SLC31A2: variants seen among roughly 807,000 people sequenced by gnomAD.
The protein encoded by SLC31A2 is protein SLC31A2.
A neutral mutation model predicts 14.4 loss-of-function variants in SLC31A2; 16 were observed. The observed-to-expected ratio is 1.11, with a 90% CI of 0.75 to 1.69. The LOEUF (loss-of-function observed/expected upper bound fraction) is 1.69. Ranked by LOEUF, SLC31A2 falls within the 40% of genes most tolerant of loss-of-function variation. The pLI is 0.00. For missense variants in SLC31A2, 140 were observed against 173.9 expected (o/e 0.81, Z 1.10); for synonymous variants, 56 against 68.7 (o/e 0.82, Z 0.91).
intron 1 of SLC31A2, among the ~76,000 whole-genome samples, chr9:113,152,656 A>T (rs1348530413): frequency 6.6e-6 from 1 of 152,040 alleles, no homozygotes; most frequent in Non-Finnish European, 1.5e-5. Flanking sequence ...TGCTCACTTA[A>T]ATGTCCCCCC....
intron 1 of SLC31A2, among the ~76,000 whole-genome samples, chr9:113,155,191 G>A (rs919698709): frequency 1.3e-5 from 2 of 152,194 alleles, no homozygotes; most frequent in Non-Finnish European, 2.9e-5. Context: ...GAAGACCCAG[G>A]ATCCAGTCCT....
At chr9:113,157,629 C>A in intron 1 of SLC31A2, 98 bp from the exon 2 acceptor site, 1 of 973,104 alleles carries the variant, frequency 1.0e-6, no homozygotes, top group Non-Finnish European at 1.6e-6. Flanking sequence ...TCCAGTGACC[C>A]CATTTTTCTG....
In SLC31A2 at chr9:113,151,046, G is replaced by A. The variant is rs1829856260; in HGVS notation, c.-29G>A. 7.7e-7 allele frequency: 1 copy of A among 1,304,474 alleles called. No homozygotes were observed. The allele number at this position is 1,304,474 out of a possible 1,614,324, so 80.8% of individuals were successfully genotyped here. On this transcript the variant is annotated 5_prime_UTR_variant, in exon 1 of 4. Transcript: ENST00000259392. This position sits in a 1 kb window ranked among gnomAD's most constrained non-coding sequence, Gnocchi z 4.2. The stretch of plus-strand genomic sequence containing the variant: ...CGAGGAGACCCGAGCGAGCAGACGC[G>A]GCCCTGGCGCCCGCCCTGCGCACTC...
chr9:113,162,897 C>T lies in SLC31A2; in HGVS notation c.412C>T (p.Pro138Ser). The change falls in exon 4 of 4, where the codon CCA (proline) becomes TCA (serine). Residue 138 changes from proline (P) to serine (S), a missense_variant. Pro to Ser is a moderately conservative substitution (Grantham distance 74). Transcript: ENST00000259392. ...TGCTGTGGGCTACTACCTAGCTTAC[C>T]CACTTCTCAGCACAGCTTAGCTGGT... is the stretch of plus-strand genomic sequence containing the variant. Reference protein sequence around the residue: ...GSAVGYYLAYPLLSTA With the variant: ...GSAVGYYLAYSLLSTA 1 of 1,611,308 alleles carries T rather than the reference C, an allele frequency of 6.2e-7. No homozygotes were observed. Among genetic ancestry groups the T allele is most frequent in the Non-Finnish European group, 8.5e-7 (1 of 1,179,020 alleles).
chr9:113,158,745 C>T (rs1366580130), intron 2 of SLC31A2, among the ~76,000 whole-genome samples: 8 of 152,104 alleles, frequency 5.3e-5, no homozygotes, highest in Non-Finnish European at 1.2e-4. Flanking sequence ...ATTTTCAAGA[C>T]CTAGCCTTGG....
chr9:113,156,294 C>A, intron 1 of SLC31A2: 1 of 402,102 alleles, frequency 2.5e-6, no homozygotes, highest in Non-Finnish European at 5.0e-6. Context: ...CCTTTTCCCT[C>A]TTCATACTCA....
chr9:113,162,978 T>C lies in SLC31A2; in HGVS notation c.*61T>C, dbSNP rs1343276272. On this transcript the variant is annotated 3_prime_UTR_variant, in exon 4 of 4. Coordinates refer to ENST00000259392, the MANE Select transcript of SLC31A2 (RefSeq NM_001860.3). ...ACATGGAGCCCCCTCTTCCAGACAC[T>C]ATACTTCCAACTGCCCTTTCTTCTG... is the stretch of plus-strand genomic sequence containing the variant. 1 of 1,415,406 alleles carries C rather than the reference T, an allele frequency of 7.1e-7. No individual in the cohort carries two copies. The allele number at this position is 1,415,406 out of a possible 1,614,324, so 87.7% of individuals were successfully genotyped here. A position where few individuals can be genotyped will look rare whatever the true frequency, so the allele number is the denominator to read the frequency against.
At position 113,161,489 on chromosome 9, in the gene SLC31A2, AACTCTGCCTCCTTTGACAGG is replaced by A. The variant is rs768819888; in HGVS notation, c.74-19_74del. ...AGTGCTGGCCTGGCCAGGTCTCCACAACTCTGCCTCCTTTGACAGGCATGGCCCTTTCGGTGTTGGTGCTC... is the reference window on the plus strand; with the variant it reads ...AGTGCTGGCCTGGCCAGGTCTCCACACATGGCCCTTTCGGTGTTGGTGCTC... On this transcript the variant is annotated splice_acceptor_variant and splice_polypyrimidine_tract_variant and coding_sequence_variant and intron_variant, in exon 3 of 4. Transcript: ENST00000259392. LOFTEE classifies it high-confidence loss of function. 6.2e-7 allele frequency: 1 copy of A among 1,613,014 alleles called. No homozygotes were observed. Among genetic ancestry groups the A allele is most frequent in the Non-Finnish European group, 8.5e-7 (1 of 1,179,534 alleles).
chr9:113,163,007 G>C lies in SLC31A2; in HGVS notation c.*90G>C. The C allele has an allele frequency of 8.2e-7, 1 of 1,220,596 alleles. No individual in the cohort carries two copies. The highest frequency in any genetic ancestry group is 1.1e-6 in the Non-Finnish European group (1 of 903,060). 75.6% of individuals were successfully genotyped at this position (1,220,596 alleles called of 1,614,324 possible). A position where few individuals can be genotyped will look rare whatever the true frequency, so the allele number is the denominator to read the frequency against. The stretch of plus-strand genomic sequence containing the variant: ...CTTCCAACTGCCCTTTCTTCTGATG[G>C]CTATTCCTCCACCTTATTCCCAGCC... On this transcript the variant is annotated 3_prime_UTR_variant, in exon 4 of 4. Coordinates refer to ENST00000259392, the MANE Select transcript of SLC31A2 (RefSeq NM_001860.3).
Position 113,157,752 on chromosome 9 carries a change from C to T in SLC31A2, c.32C>T (p.Ala11Val), listed in dbSNP as rs748845352. 33 of 1,612,818 alleles carry T rather than the reference C, an allele frequency of 2.0e-5. No homozygotes were observed. In the Admixed American group the frequency reaches 2.2e-4, roughly 11 times the overall value. The change falls in exon 2 of 4, where the codon GCG becomes GTG. Residue 11 changes from alanine to valine, a missense_variant. Ala to Val is a moderately conservative substitution (Grantham distance 64). Transcript: ENST00000259392. MAMHFIFSDT[A>V]VLLFDFWSVH... is the part of the protein sequence containing the mutation. ...ATGCATTTCATCTTCTCAGATACAG[C>T]GGTGCTTCTGTTTGATTTCTGGAGT... is the stretch of plus-strand genomic sequence containing the variant.
At position 113,161,759 on chromosome 9, in the gene SLC31A2, G is replaced by A. The variant is rs765999043; in HGVS notation, c.263+61G>A. 9.6e-6 allele frequency: 15 copies of A among 1,567,862 alleles called. No individual in the cohort carries two copies. The South Asian group carries it at 1.0e-4, about 10-fold the overall frequency. On this transcript the variant is annotated intron_variant, in intron 3 of 3. Transcript: ENST00000259392. ...TCACATTCACCCTGAGAGACAGGCT[G>A]GCCCAGACAGCATTAGCCCCACTTC...
chr9:113,163,032 C>G lies in SLC31A2; in HGVS notation c.*115C>G, dbSNP rs1462835692. 9.4e-7 allele frequency: 1 copy of G among 1,064,226 alleles called. No homozygotes were observed. Among genetic ancestry groups the G allele is most frequent in the Non-Finnish European group, 1.3e-6 (1 of 778,316 alleles). The allele number at this position is 1,064,226 out of a possible 1,614,324, so 65.9% of individuals were successfully genotyped here. A position where few individuals can be genotyped will look rare whatever the true frequency, so the allele number is the denominator to read the frequency against. ...GCTATTCCTCCACCTTATTCCCAGC[C>G]CCTGGAAACTTTGAGCTGAAGCCAG... On this transcript the variant is annotated 3_prime_UTR_variant, in exon 4 of 4. Transcript: ENST00000259392.
rs144642015 is a variant in SLC31A2, at chr9:113,156,060, G to A, written c.7-1667G>A. 47 of 518,902 alleles carry A rather than the reference G, an allele frequency of 9.1e-5. 1 individual carries two copies. In the Middle Eastern group the frequency reaches 2.2e-3, roughly 25 times the overall value. The allele number at this position is 518,902 out of a possible 1,614,324, so 32.1% of individuals were successfully genotyped here. A position where few individuals can be genotyped will look rare whatever the true frequency, so the allele number is the denominator to read the frequency against. On this transcript the variant is annotated intron_variant, in intron 1 of 3. Coordinates refer to ENST00000259392, the MANE Select transcript of SLC31A2 (RefSeq NM_001860.3). Reference sequence around the variant, plus strand: ...CAGAAGTTTGTGGCTCTGGTTTCCAGGAGGCTACAGGACACCCACATGGCA... The same window carrying A: ...CAGAAGTTTGTGGCTCTGGTTTCCAAGAGGCTACAGGACACCCACATGGCA...
chr9:113,151,134 G>A lies in SLC31A2; in HGVS notation c.6+54G>A, dbSNP rs545840555. 5.0e-5 allele frequency: 64 copies of A among 1,283,858 alleles called. No homozygotes were observed. In the African/African-American group the frequency reaches 8.9e-4, roughly 18 times the overall value. The allele number at this position is 1,283,858 out of a possible 1,614,324, so 79.5% of individuals were successfully genotyped here. ...GTGGGCGGTTGGGGCGGGGTCTCCT[G>A]GAGCTGCCATCTCGGCACCCCGAAT... On this transcript the variant is annotated intron_variant, in intron 1 of 3. Transcript: ENST00000259392. This position sits in a 1 kb window ranked among gnomAD's most constrained non-coding sequence, Gnocchi z 4.2.
chr9:113,160,300 C>T (rs566207675), intron 2 of SLC31A2, among the ~76,000 whole-genome samples: 32 of 152,242 alleles, frequency 2.1e-4, no homozygotes, highest in Non-Finnish European at 4.3e-4. Flanking sequence ...GGGCTTGCCA[C>T]CTTCCAGGTA....
chr9:113,161,559 G>A lies in SLC31A2; in HGVS notation c.124G>A (p.Gly42Ser). Residue 42 changes from glycine (G) to serine (S), a missense_variant, in exon 3 of 4, where the codon GGC becomes AGC. Transcript: ENST00000259392. ...VLLLLAVLYEGIKVGKAKLLN... is the reference protein window; with the variant it reads ...VLLLLAVLYESIKVGKAKLLN... ...CCTGCTTCTGGCTGTACTGTATGAAGGCATCAAGGTTGGCAAAGCCAAGCT... is the reference window on the plus strand; with the variant it reads ...CCTGCTTCTGGCTGTACTGTATGAAAGCATCAAGGTTGGCAAAGCCAAGCT... 6.2e-7 allele frequency: 1 copy of A among 1,614,024 alleles called. No individual in the cohort carries two copies. Among genetic ancestry groups the A allele is most frequent in the East Asian group, 2.2e-5 (1 of 44,882 alleles).
rs543506282 is a variant in SLC31A2 at position 113,155,016 on chromosome 9, C to G, written c.7-2711C>G. On this transcript the variant is annotated intron_variant, in intron 1 of 3. Coordinates refer to ENST00000259392, the MANE Select transcript of SLC31A2 (RefSeq NM_001860.3). ...CCCAATTTCTTCCCATATTTTGTTC[C>G]AAAGTGGCCATATCAGTTTCTTCTG... Among the ~76,000 whole-genome samples the G allele has an allele frequency of 9.8e-5, 15 of 152,338 alleles. No homozygotes were observed. The East Asian group carries it at 2.7e-3, about 27-fold the overall frequency.
chr9:113,159,285 A>C (rs1222042323), intron 2 of SLC31A2, among the ~76,000 whole-genome samples: 3 of 151,920 alleles, frequency 2.0e-5, no homozygotes, highest in African/African-American at 4.8e-5. Context: ...CAGGCACCAC[A>C]ATGCCCAGCT....
rs1830020181 is a variant in SLC31A2 at position 113,161,927 on chromosome 9, T to C, written c.263+229T>C. 4.7e-6 allele frequency: 3 copies of C among 642,388 alleles called. No homozygotes were observed. The Admixed American group carries it at 7.6e-5, about 16-fold the overall frequency. 39.8% of individuals were successfully genotyped at this position (642,388 alleles called of 1,614,324 possible). A position where few individuals can be genotyped will look rare whatever the true frequency, so the allele number is the denominator to read the frequency against. On this transcript the variant is annotated intron_variant, in intron 3 of 3. Transcript: ENST00000259392. ...CAGCCACTTGAGAGGCTCAGAAGGC[T>C]TTCTTTAGGGAACAGTGATCTTCAG...
Sources: allele counts gnomAD v4.1 joint callset (sites outside exome capture counted in the v4.1 genomes callset), GRCh38; gene constraint gnomAD v4.1.1; non-coding constraint Gnocchi (gnomAD v3.1); transcripts MANE v1.5; gene names NCBI Gene and HGNC (gene_info 2026-07-23, HGNC 2026-07-21).